Variants in RAD51B observed in about 807,000 individuals in gnomAD.
The protein encoded by RAD51B is RAD51 paralog B.
RAD51B carries 38 observed loss-of-function variants against 42.2 expected under a neutral mutation model. That is an observed-to-expected ratio of 0.90 (90% confidence interval 0.70 to 1.18). The LOEUF is 1.18. Ranked by LOEUF, RAD51B falls within the 50% of genes most tolerant of loss-of-function variation. The pLI is 0.00. For missense variants in RAD51B, 373 were observed against 400.7 expected (o/e 0.93, Z 0.59); for synonymous variants, 154 against 145.2 (o/e 1.06, Z -0.43).
chr14:68,213,145 A>T (rs975942160), intron 7 of RAD51B, among the ~76,000 whole-genome samples: 1 of 152,162 alleles, frequency 6.6e-6, no homozygotes, highest in African/African-American at 2.4e-5. Flanking sequence ...GTGAGATAGG[A>T]TTTTTTAAAG....
At chr14:68,078,704 T>C (rs1003393814) in intron 7 of RAD51B, among the ~76,000 whole-genome samples, 2 of 152,172 alleles carry the variant, frequency 1.3e-5, no homozygotes, top group Non-Finnish European at 1.5e-5. Context: ...TAATTATAAC[T>C]TGGGGCTGGA....
intron 7 of RAD51B, among the ~76,000 whole-genome samples, chr14:68,136,815 G>A (rs1350423022): frequency 1.5e-5 from 1 of 67,650 alleles, no homozygotes; most frequent in African/African-American, 3.1e-5. Context: ...TTAATAAGTG[G>A]CAGAACCAGG....
intron 10 of RAD51B, among the ~76,000 whole-genome samples, chr14:68,635,250 C>T (rs996287998): frequency 6.6e-6 from 1 of 152,206 alleles, no homozygotes; most frequent in Non-Finnish European, 1.5e-5. Flanking sequence ...CCATGCCATG[C>T]ACCCCCAACT....
intron 11 of RAD51B, among the ~76,000 whole-genome samples, chr14:68,653,260 G>A (rs1299404379): frequency 1.3e-5 from 2 of 152,196 alleles, no homozygotes; most frequent in Non-Finnish European, 2.9e-5. Flanking sequence ...GGCTGAGACT[G>A]GAGGATGCCT....
At chr14:67,902,852 ACTT>A (rs1332801383) in intron 7 of RAD51B, among the ~76,000 whole-genome samples, 3 of 151,336 alleles carry the variant, frequency 2.0e-5, no homozygotes, top group East Asian at 1.9e-4. Context: ...CTTTGAGAAA[ACTT>A]CTTTTTTTTT....
chr14:68,000,992 G>T (rs1161599604), intron 7 of RAD51B, among the ~76,000 whole-genome samples: 2 of 151,962 alleles, frequency 1.3e-5, no homozygotes, highest in Admixed American at 1.3e-4. Flanking sequence ...TATGAAAATG[G>T]TTTATTTCTC....
At chr14:68,495,526 T>C (rs1035542606) in intron 10 of RAD51B, among the ~76,000 whole-genome samples, 6 of 152,112 alleles carry the variant, frequency 3.9e-5, no homozygotes, top group Non-Finnish European at 8.8e-5. Context: ...GGCAGGATGC[T>C]CTAGCGGAGG....
At chr14:68,169,089 C>G (rs2078814032) in intron 7 of RAD51B, among the ~76,000 whole-genome samples, 1 of 152,136 alleles carries the variant, frequency 6.6e-6, no homozygotes, top group African/African-American at 2.4e-5. Context: ...TATAACAGCA[C>G]TTTATATAGT....
intron 7 of RAD51B, among the ~76,000 whole-genome samples, chr14:68,206,886 T>C (rs1595552104): frequency 6.7e-6 from 1 of 149,708 alleles, no homozygotes; most frequent in South Asian, 2.1e-4. Context: ...GCCTCCCGGG[T>C]TCATGCCATT....
At chr14:68,249,998 C>A (rs1008102004) in intron 7 of RAD51B, among the ~76,000 whole-genome samples, 1 of 152,162 alleles carries the variant, frequency 6.6e-6, no homozygotes, top group African/African-American at 2.4e-5. Context: ...CATAAAAATT[C>A]CAAAGCAGGA....
chr14:68,302,825 G>A (rs934832755), intron 8 of RAD51B, among the ~76,000 whole-genome samples: 8 of 152,240 alleles, frequency 5.3e-5, no homozygotes, highest in Admixed American at 3.3e-4. Flanking sequence ...GCTATTGTTT[G>A]TGGCTTAAGA....
At chr14:67,911,847 G>T (rs1221220400) in intron 7 of RAD51B, among the ~76,000 whole-genome samples, 2 of 152,076 alleles carry the variant, frequency 1.3e-5, no homozygotes, top group African/African-American at 4.8e-5. Flanking sequence ...CAACTAGATA[G>T]TTTTGTACTG....
At chr14:67,872,771 C>G (rs1428956219) in intron 5 of RAD51B, among the ~76,000 whole-genome samples, 5 of 150,596 alleles carry the variant, frequency 3.3e-5, no homozygotes, top group Admixed American at 6.6e-5. Flanking sequence ...ACAGAGCCCT[C>G]AGAAATAATG....
intron 4 of RAD51B, among the ~76,000 whole-genome samples, chr14:67,860,903 T>C (rs1342515629): frequency 1.3e-5 from 2 of 152,198 alleles, no homozygotes; most frequent in Non-Finnish European, 1.5e-5. Context: ...TCTTAAAATC[T>C]GACTGTTAGG....
chr14:68,581,672 G>A (rs1386556764), intron 10 of RAD51B, among the ~76,000 whole-genome samples: 3 of 152,064 alleles, frequency 2.0e-5, no homozygotes, highest in Admixed American at 6.5e-5. Context: ...AATTTCATAT[G>A]GAACCAAAAA....
intron 10 of RAD51B, among the ~76,000 whole-genome samples, chr14:68,474,419 A>G (rs116015668): frequency 0.02 from 3,021 of 152,322 alleles, 98 homozygotes; most frequent in African/African-American, 0.069. Context: ...GTGACAGAGC[A>G]AAACCCCATC....
chr14:68,331,437 C>T (rs1441159713), intron 8 of RAD51B, among the ~76,000 whole-genome samples: 2 of 137,930 alleles, frequency 1.5e-5, no homozygotes, highest in African/African-American at 5.4e-5. Flanking sequence ...TTATTTAAAA[C>T]TTAAAGTTTA....
chr14:68,070,514 A>C (rs1595356611), intron 7 of RAD51B, among the ~76,000 whole-genome samples: 1 of 152,068 alleles, frequency 6.6e-6, no homozygotes, highest in Non-Finnish European at 1.5e-5. Context: ...AGTTATCCCC[A>C]AAACATTTAT....
At chr14:68,329,458 A>G (rs9989152) in intron 8 of RAD51B, among the ~76,000 whole-genome samples, 113,680 of 152,154 alleles carry the variant, frequency 0.75, 42,793 homozygotes, top group African/African-American at 0.84. Context: ...AGCTTCAGCT[A>G]AGAATTCCAG....
Sources: gnomAD v4.1 joint callset for allele counts (sites outside exome capture counted in the v4.1 genomes callset) on GRCh38, gnomAD v4.1.1 for gene constraint, MANE v1.5 for transcripts, NCBI Gene and HGNC (gene_info 2026-07-23, HGNC 2026-07-21) for gene names.